The following CDK19 variants were observed in gnomAD, a reference collection of about 807,000 sequenced individuals.
The protein encoded by CDK19 is cyclin dependent kinase 19, also known as cyclin-dependent kinase 19.
Under a neutral mutation model 68.3 loss-of-function variants are expected in CDK19, and 20 were observed. The observed-to-expected ratio is 0.29, with a 90% confidence interval of 0.21 to 0.43. The LOEUF is 0.43. Among genes scored for constraint, CDK19 ranks in the 20% least tolerant of loss-of-function variants. The pLI, the probability that CDK19 is intolerant of heterozygous loss-of-function variation, is 1.00. For synonymous variants in CDK19, 221 were observed against 222.8 expected (o/e 0.99, Z 0.07); for missense variants, 339 against 623.5 (o/e 0.54, Z 4.86).
chr6:110,760,823 G>A (rs935630120), intron 1 of CDK19, among the ~76,000 whole-genome samples: 5 of 152,232 alleles, frequency 3.3e-5, no homozygotes, highest in Non-Finnish European at 7.3e-5. Context: ...AAAGCAGGTA[G>A]ACTAAGTAAC....
At chr6:110,734,527 C>CTT (rs1460692862) in intron 2 of CDK19, among the ~76,000 whole-genome samples, 5 of 139,606 alleles carry the variant, frequency 3.6e-5, no homozygotes, top group African/African-American at 1.4e-4. Flanking sequence ...ACTGCTCTCT[C>CTT]TCTCTCTCTC....
At chr6:110,672,707 T>A (rs976204320) in intron 2 of CDK19, among the ~76,000 whole-genome samples, 1 of 152,236 alleles carries the variant, frequency 6.6e-6, no homozygotes, top group South Asian at 2.1e-4. Flanking sequence ...CACACTGTTC[T>A]GCACTTTGTT....
chr6:110,673,733 A>G (rs557654260), intron 2 of CDK19, among the ~76,000 whole-genome samples: 417 of 152,270 alleles, frequency 2.7e-3, no homozygotes, highest in Non-Finnish European at 4.7e-3. Context: ...AAATTTTTTT[A>G]AAGAAAAAAA....
chr6:110,666,602 TC>T (rs1413151569), intron 4 of CDK19, among the ~76,000 whole-genome samples: 2 of 151,992 alleles, frequency 1.3e-5, no homozygotes, highest in Admixed American at 1.3e-4. Context: ...ACTAACTAGA[TC>T]CTTTCGTCAA....
rs976056525 is a variant in CDK19, at chr6:110,774,140, G to C, written c.129-27939C>G. 8.5e-5 allele frequency among the ~76,000 whole-genome samples: 13 copies of C among 152,264 alleles called. No homozygotes were observed. In the East Asian group the frequency reaches 2.1e-3, roughly 25 times the overall value. ...TATAATGCAGCTTATTGTATGAAAA[G>C]ACCAAAAGTTGAGCCTTAACTAATT... On this transcript the variant is annotated intron_variant, in intron 1 of 12. Coordinates refer to ENST00000368911, the MANE Select transcript of CDK19 (RefSeq NM_015076.5).
At chr6:110,645,910 T>C in intron 4 of CDK19, 2 of 869,558 alleles carry the variant, frequency 2.3e-6, no homozygotes, top group Non-Finnish European at 3.7e-6. Context: ...CTGCGAACTG[T>C]GCCGGGACAG....
intron 2 of CDK19, among the ~76,000 whole-genome samples, chr6:110,740,079 T>G (rs1459100591): frequency 1.3e-5 from 2 of 150,836 alleles, no homozygotes; most frequent in African/African-American, 4.9e-5. Context: ...GGGGGAAAAA[T>G]TCTCTGTATT....
At position 110,646,140 on chromosome 6, in the gene CDK19, T is replaced by C. The variant is rs527624172; in HGVS notation, c.457-7434A>G. ...GATTCTCATCTCTGATGCTAACACC[T>C]TCGGCATGGAGAGCACGCAGCGCGC... On this transcript the variant is annotated intron_variant, in intron 4 of 12. Transcript: ENST00000368911. The C allele has an allele frequency of 4.2e-5, 39 of 939,692 alleles. No individual in the cohort carries two copies. The East Asian group carries it at 9.4e-4, about 23-fold the overall frequency. 58.2% of individuals were successfully genotyped at this position (939,692 alleles called of 1,614,324 possible).
At chr6:110,759,422 A>ATAT (rs1267022921) in intron 1 of CDK19, among the ~76,000 whole-genome samples, 4 of 112,528 alleles carry the variant, frequency 3.6e-5, no homozygotes, top group East Asian at 2.2e-4. Context: ...AAAAAAAAAA[A>ATAT]AAAAAAATAT....
intron 8 of CDK19, among the ~76,000 whole-genome samples, chr6:110,626,028 A>G (rs1779068816): frequency 1.3e-5 from 2 of 152,146 alleles, no homozygotes; most frequent in Admixed American, 1.3e-4. Context: ...TGTTTTACTC[A>G]TATTCCAGGC....
At chr6:110,782,421 A>T (rs1050395878) in intron 1 of CDK19, among the ~76,000 whole-genome samples, 2 of 152,158 alleles carry the variant, frequency 1.3e-5, no homozygotes, top group African/African-American at 4.8e-5. Context: ...CTACCCCCAC[A>T]GCTACCACTA....
At chr6:110,721,734 G>A (rs1775905895) in intron 2 of CDK19, among the ~76,000 whole-genome samples, 1 of 152,156 alleles carries the variant, frequency 6.6e-6, no homozygotes, top group Non-Finnish European at 1.5e-5. Context: ...TGGAGGCCGA[G>A]GCAGGCAGAT....
intron 4 of CDK19, among the ~76,000 whole-genome samples, chr6:110,644,460 G>C (rs1465328166): frequency 1.3e-5 from 2 of 151,962 alleles, no homozygotes; most frequent in East Asian, 3.9e-4. Flanking sequence ...AGCACAACAG[G>C]GTGACTACAG....
At chr6:110,812,496 T>C (rs1174121393) in intron 1 of CDK19, among the ~76,000 whole-genome samples, 4 of 152,214 alleles carry the variant, frequency 2.6e-5, no homozygotes, top group Non-Finnish European at 5.9e-5. Flanking sequence ...AAATTTGTGA[T>C]ATAATTAATA....
chr6:110,692,723 G>A (rs556359883), intron 2 of CDK19, among the ~76,000 whole-genome samples: 8 of 152,170 alleles, frequency 5.3e-5, no homozygotes, highest in Non-Finnish European at 1.2e-4. Flanking sequence ...GAGACTGGGC[G>A]CAGTGGCTCA....
chr6:110,777,329 CTAAG>C (rs1780475851), intron 1 of CDK19, among the ~76,000 whole-genome samples: 4 of 152,102 alleles, frequency 2.6e-5, no homozygotes, highest in Admixed American at 2.0e-4. Flanking sequence ...AGTAGCAAGA[CTAAG>C]TATTTCAGTT....
intron 2 of CDK19, among the ~76,000 whole-genome samples, chr6:110,738,556 A>G (rs2114838547): frequency 6.6e-6 from 1 of 152,116 alleles, no homozygotes; most frequent in South Asian, 2.1e-4. Context: ...AAAATATAAA[A>G]ACAACTGAGA....
intron 2 of CDK19, among the ~76,000 whole-genome samples, chr6:110,741,122 G>A (rs1196767771): frequency 2.0e-5 from 3 of 151,978 alleles, no homozygotes; most frequent in African/African-American, 7.2e-5. Context: ...GCTGCAATAA[G>A]AGAAGAGAGA....
chr6:110,679,235 G>C (rs1463542934), intron 2 of CDK19, among the ~76,000 whole-genome samples: 1 of 152,020 alleles, frequency 6.6e-6, no homozygotes, highest in African/African-American at 2.4e-5. Flanking sequence ...AGGACTGCTT[G>C]AGCCCACGAG....
Sources: gnomAD v4.1 joint callset for allele counts (sites outside exome capture counted in the v4.1 genomes callset) on GRCh38, gnomAD v4.1.1 for gene constraint, MANE v1.5 for transcripts, NCBI Gene and HGNC (gene_info 2026-07-23, HGNC 2026-07-21) for gene names.